The following SH3PXD2B variants were observed in gnomAD, a reference collection of about 807,000 sequenced individuals.
The protein encoded by SH3PXD2B is SH3 and PX domain-containing protein 2B.
In SH3PXD2B, 37 loss-of-function variants were observed where a neutral mutation model predicts 73.1. The observed-to-expected ratio is 0.51, with a 90% CI of 0.39 to 0.67. The LOEUF (loss-of-function observed/expected upper bound fraction) is 0.67, where lower values mean the gene tolerates loss of function less well. Ranked by LOEUF, SH3PXD2B falls within the 30% of genes least tolerant of loss-of-function variation. SH3PXD2B has a pLI of 0.00. For missense variants in SH3PXD2B, 1,053 were observed against 1,197.8 expected, an observed-to-expected ratio of 0.88 and a Z score of 1.78; for synonymous variants, 457 against 480.5, an observed-to-expected ratio of 0.95 and a Z score of 0.64.
chr5:172,364,248 C>T (rs1757460543), intron 6 of SH3PXD2B, among the ~76,000 whole-genome samples: 1 of 152,124 alleles, frequency 6.6e-6, no homozygotes, highest in African/African-American at 2.4e-5. Flanking sequence ...GGGGGAAGGG[C>T]AGCCAGACAT....
intron 2 of SH3PXD2B, 143 bp from the exon 3 acceptor site, chr5:172,406,495 A>C (rs1758562213): frequency 1.1e-6 from 1 of 879,464 alleles, no homozygotes. Flanking sequence ...ACCCAAACTA[A>C]TGGGAAAGGC....
chr5:172,368,156 C>T (rs915613047), intron 6 of SH3PXD2B, among the ~76,000 whole-genome samples: 9 of 152,020 alleles, frequency 5.9e-5, no homozygotes. Context: ...GGACAGTCTT[C>T]TCCAGATATG....
chr5:172,440,141 T>A (rs546314214), intron 1 of SH3PXD2B, among the ~76,000 whole-genome samples: 1 of 152,232 alleles, frequency 6.6e-6, no homozygotes, highest in South Asian at 2.1e-4. Flanking sequence ...GGTGAAAGAT[T>A]TCAAGTGAGG....
chr5:172,396,606 G>T (rs1054131464), intron 3 of SH3PXD2B, among the ~76,000 whole-genome samples: 22 of 144,566 alleles, frequency 1.5e-4, no homozygotes, highest in Middle Eastern at 3.7e-3. Context: ...TTTAAAAAAA[G>T]AGAGAAAGCC....
intron 12 of SH3PXD2B, among the ~76,000 whole-genome samples, chr5:172,341,565 A>G (rs1756850462): frequency 6.6e-6 from 1 of 152,230 alleles, no homozygotes; most frequent in African/African-American, 2.4e-5. Flanking sequence ...AGGCAAGCAG[A>G]TGCTGGCACC....
chr5:172,347,021 G>A (rs1757011996), intron 11 of SH3PXD2B, among the ~76,000 whole-genome samples: 1 of 152,170 alleles, frequency 6.6e-6, no homozygotes, highest in Non-Finnish European at 1.5e-5. Flanking sequence ...CCAAGAGAAG[G>A]GCCCAGGGAG....
intron 5 of SH3PXD2B, among the ~76,000 whole-genome samples, chr5:172,375,919 G>A (rs1050500170): frequency 3.3e-5 from 5 of 152,108 alleles, no homozygotes. Flanking sequence ...TTAACTTCTT[G>A]AGGAAGTGCC....
In SH3PXD2B at chr5:172,406,371, C is replaced by A. The variant is rs1758558514; in HGVS notation, c.157-19G>T. ...TCTGCATCTAAGTGGGGGGCGAATA[C>A]CAAAAACAAAAACCTTTCATAATGC... On this transcript the variant is annotated intron_variant, in intron 2 of 12. Transcript: ENST00000311601. The A allele has an allele frequency of 1.2e-6, 2 of 1,613,478 alleles. No homozygotes were observed. The highest frequency in any genetic ancestry group is 4.5e-5 in the East Asian group (2 of 44,868).
At chr5:172,426,421 G>C (rs181309856) in intron 1 of SH3PXD2B, among the ~76,000 whole-genome samples, 16 of 152,300 alleles carry the variant, frequency 1.1e-4, no homozygotes, top group Admixed American at 9.2e-4. Flanking sequence ...TCCCTTGAGG[G>C]GTAAGCCACA....
chr5:172,363,503 G>A (rs898883508), intron 6 of SH3PXD2B, among the ~76,000 whole-genome samples: 2 of 152,190 alleles, frequency 1.3e-5, no homozygotes, highest in African/African-American at 4.8e-5. Context: ...ATGAAAAATT[G>A]ATGGAAACAA....
chr5:172,451,164 TG>T (rs1219396881), intron 1 of SH3PXD2B, among the ~76,000 whole-genome samples: 1 of 152,192 alleles, frequency 6.6e-6, no homozygotes, highest in Admixed American at 6.5e-5. Context: ...CCAGCCCTGA[TG>T]GGCAGCCCTG....
intron 3 of SH3PXD2B, among the ~76,000 whole-genome samples, chr5:172,394,996 G>T (rs1758263876): frequency 6.6e-6 from 1 of 152,140 alleles, no homozygotes; most frequent in Non-Finnish European, 1.5e-5. Flanking sequence ...GATTCTGGCT[G>T]GGTGAACAGT....
At chr5:172,431,374 TG>T (rs1759235659) in intron 1 of SH3PXD2B, among the ~76,000 whole-genome samples, 1 of 152,186 alleles carries the variant, frequency 6.6e-6, no homozygotes, top group Non-Finnish European at 1.5e-5. Flanking sequence ...AGGAGAGGTG[TG>T]GGGAGAAGAG....
intron 4 of SH3PXD2B, among the ~76,000 whole-genome samples, chr5:172,389,065 T>C (rs926822297): frequency 7.3e-5 from 11 of 151,204 alleles, no homozygotes; most frequent in African/African-American, 2.2e-4. Flanking sequence ...TTCTTTTTTT[T>C]TTTTTTTTGA....
Position 172,362,847 on chromosome 5 carries a change from G to A in SH3PXD2B, c.450C>T (p.Asp150=), listed in dbSNP as rs886060425. The A allele has an allele frequency of 3.1e-6, 5 of 1,614,046 alleles. No individual in the cohort carries two copies. The highest frequency in any genetic ancestry group is 4.2e-6 in the Non-Finnish European group (5 of 1,180,036). The change falls in exon 7 of 13, where the codon GAC becomes GAT. Residue 150 remains aspartate, a synonymous_variant. Coordinates refer to ENST00000311601, the MANE Select transcript of SH3PXD2B (RefSeq NM_001017995.3). ...KKSGGDQTSV[D]PMVLEQYVVV... is the part of the protein sequence containing the mutation. ...CCACATACTGCTCCAGGACCATGGG[G>A]TCCACTGAGGTTTGGTCACCCCCTG...
At chr5:172,395,453 G>A (rs1758273437) in intron 3 of SH3PXD2B, among the ~76,000 whole-genome samples, 1 of 152,166 alleles carries the variant, frequency 6.6e-6, no homozygotes, top group Non-Finnish European at 1.5e-5. Flanking sequence ...CACAACATCC[G>A]AAACTCTGGG....
intron 2 of SH3PXD2B, among the ~76,000 whole-genome samples, chr5:172,411,011 C>A (rs966240590): frequency 6.6e-6 from 1 of 152,176 alleles, no homozygotes; most frequent in African/African-American, 2.4e-5. Context: ...CACGTGAACA[C>A]AAAAGTCAGC....
intron 1 of SH3PXD2B, among the ~76,000 whole-genome samples, chr5:172,433,034 G>A (rs1488811922): frequency 6.6e-6 from 1 of 151,850 alleles, no homozygotes; most frequent in African/African-American, 2.4e-5. Flanking sequence ...TCCAATGACA[G>A]ACCACATATA....
chr5:172,346,609 G>A (rs1403590290), intron 11 of SH3PXD2B, among the ~76,000 whole-genome samples: 1 of 152,158 alleles, frequency 6.6e-6, no homozygotes, highest in Non-Finnish European at 1.5e-5. Context: ...GATGGTGGGA[G>A]TGTCCTTGGG....
Sources: gnomAD v4.1 joint callset for allele counts (sites outside exome capture counted in the v4.1 genomes callset) on GRCh38, gnomAD v4.1.1 for gene constraint, MANE v1.5 for transcripts, NCBI Gene and HGNC (gene_info 2026-07-23, HGNC 2026-07-21) for gene names.